Variants in ULK4 observed in about 807,000 individuals in gnomAD.
ULK4 encodes unc-51 like kinase 4, also known as inactive serine/threonine-protein kinase ULK4.
Under a neutral mutation model 160.6 loss-of-function variants are expected in ULK4, and 133 were observed. The ratio of observed to expected loss-of-function variants is 0.83; its 90% CI spans 0.72 to 0.96. The LOEUF is 0.96. Ranked by LOEUF, ULK4 falls within the 40% of genes least tolerant of loss-of-function variation. The pLI, the probability that ULK4 is intolerant of heterozygous loss-of-function variation, is 0.00. For missense variants in ULK4, 1,580 were observed against 1,499.5 expected, an observed-to-expected ratio of 1.05 and a Z score of -0.89; for synonymous variants, 534 against 539.8, an observed-to-expected ratio of 0.99 and a Z score of 0.15.
At chr3:41,286,190 T>G (rs1056652236) in intron 35 of ULK4, among the ~76,000 whole-genome samples, 1 of 152,202 alleles carries the variant, frequency 6.6e-6, no homozygotes, top group Non-Finnish European at 1.5e-5. Flanking sequence ...TTAATATTAT[T>G]ATGGTGCATT....
In ULK4 at chr3:41,794,328, A is replaced by G. The variant is rs181463307; in HGVS notation, c.2011-4485T>C. 2.9e-4 allele frequency among the ~76,000 whole-genome samples: 44 copies of G among 152,252 alleles called. No individual in the cohort carries two copies. The East Asian group carries it at 6.2e-3, about 21-fold the overall frequency. ...CATCTACCATGTGCCCAGAAAAGGA[A>G]CAACAGGACTTTTGTCTTCCTGGAA... On this transcript the variant is annotated intron_variant, in intron 20 of 36. Coordinates refer to ENST00000301831, the MANE Select transcript of ULK4 (RefSeq NM_017886.4).
chr3:41,519,061 G>T (rs1281631901), intron 32 of ULK4, among the ~76,000 whole-genome samples: 1 of 152,118 alleles, frequency 6.6e-6, no homozygotes, highest in East Asian at 1.9e-4. Context: ...TGCTGGAATC[G>T]CTCCTCTGTT....
chr3:41,247,454 CTT>C (rs1462751515), intron 36 of ULK4, among the ~76,000 whole-genome samples: 1 of 152,180 alleles, frequency 6.6e-6, no homozygotes, highest in East Asian at 1.9e-4. Flanking sequence ...AAAACGGGAA[CTT>C]TTTTACTGGA....
chr3:41,329,600 G>C (rs2080404163), intron 35 of ULK4, among the ~76,000 whole-genome samples: 1 of 142,852 alleles, frequency 7.0e-6, no homozygotes, highest in African/African-American at 2.6e-5. Context: ...TCTCACCATA[G>C]TTGTACAACC....
chr3:41,325,281 A>T (rs964761517), intron 35 of ULK4, among the ~76,000 whole-genome samples: 1 of 152,232 alleles, frequency 6.6e-6, no homozygotes, highest in African/African-American at 2.4e-5. Flanking sequence ...AAAGAAACCC[A>T]GGAGGTGGGG....
At chr3:41,608,215 T>C (rs2032482418) in intron 31 of ULK4, among the ~76,000 whole-genome samples, 1 of 152,218 alleles carries the variant, frequency 6.6e-6, no homozygotes, top group African/African-American at 2.4e-5. Flanking sequence ...TAAACTGATT[T>C]AGTACATCAG....
At chr3:41,454,256 T>C (rs1462961952) in intron 34 of ULK4, among the ~76,000 whole-genome samples, 3 of 148,024 alleles carry the variant, frequency 2.0e-5, no homozygotes, top group Non-Finnish European at 4.5e-5. Context: ...ATGATAAAAT[T>C]AGGCCAGGCG....
intron 33 of ULK4, 56 bp downstream of exon 33, chr3:41,463,031 A>T: frequency 6.4e-7 from 1 of 1,553,726 alleles, no homozygotes; most frequent in Non-Finnish European, 8.8e-7. Flanking sequence ...AGAGAATGAA[A>T]GGGAAGCATG....
At chr3:41,559,232 T>G (rs924264286) in intron 32 of ULK4, among the ~76,000 whole-genome samples, 1 of 136,908 alleles carries the variant, frequency 7.3e-6, no homozygotes, top group African/African-American at 2.5e-5. Flanking sequence ...CTGCATAGTA[T>G]TCCATGGTGT....
intron 22 of ULK4, among the ~76,000 whole-genome samples, chr3:41,735,670 C>T (rs1365782751): frequency 7.2e-6 from 1 of 138,096 alleles, no homozygotes; most frequent in Non-Finnish European, 1.6e-5. Flanking sequence ...CCTTGCTTCA[C>T]TCCACTCTAA....
intron 17 of ULK4, among the ~76,000 whole-genome samples, chr3:41,841,712 G>A (rs965427608): frequency 6.6e-5 from 10 of 152,096 alleles, no homozygotes; most frequent in Admixed American, 1.3e-4. Flanking sequence ...GGAAATGTGG[G>A]GAAAAGAAAG....
chr3:41,650,285 C>T lies in ULK4; in HGVS notation c.3071+13322G>A, dbSNP rs367759993. ...TGCCAGGACTGAAAGAGCTATAACA[C>T]AAACAGGGCTGAAACACACCCCCTG... is the stretch of plus-strand genomic sequence containing the variant. On this transcript the variant is annotated intron_variant, in intron 30 of 36. Transcript: ENST00000301831. Among the ~76,000 whole-genome samples the T allele has an allele frequency of 3.3e-5, 5 of 152,334 alleles. No homozygotes were observed. In the East Asian group the frequency reaches 5.8e-4, roughly 18 times the overall value.
intron 22 of ULK4, among the ~76,000 whole-genome samples, chr3:41,733,496 G>A (rs2037905049): frequency 6.6e-6 from 1 of 151,950 alleles, no homozygotes; most frequent in Non-Finnish European, 1.5e-5. Flanking sequence ...CAAGAATGCA[G>A]ACTTCCAAAC....
At chr3:41,667,732 A>G (rs1192159155) in intron 29 of ULK4, among the ~76,000 whole-genome samples, 1 of 152,186 alleles carries the variant, frequency 6.6e-6, no homozygotes, top group African/African-American at 2.4e-5. Flanking sequence ...TTCCTCTAGG[A>G]TCTTCTCTAA....
At chr3:41,463,937 G>T (rs1405968732) in intron 32 of ULK4, among the ~76,000 whole-genome samples, 3 of 150,038 alleles carry the variant, frequency 2.0e-5, no homozygotes, top group Non-Finnish European at 4.4e-5. Flanking sequence ...ATTACAACAT[G>T]AAATAATGTT....
intron 32 of ULK4, among the ~76,000 whole-genome samples, chr3:41,493,048 G>T (rs966783063): frequency 1.0e-4 from 11 of 107,336 alleles, no homozygotes; most frequent in African/African-American, 3.7e-4. Flanking sequence ...GGATATACAG[G>T]AATTGAACTC....
At chr3:41,867,455 TC>T (rs1696936596) in intron 17 of ULK4, among the ~76,000 whole-genome samples, 1 of 152,198 alleles carries the variant, frequency 6.6e-6, no homozygotes, top group Admixed American at 6.5e-5. Context: ...CACTGCTAAC[TC>T]CGCCTCACAG....
chr3:41,342,658 C>T (rs2080711253), intron 35 of ULK4, among the ~76,000 whole-genome samples: 1 of 152,206 alleles, frequency 6.6e-6, no homozygotes, highest in African/African-American at 2.4e-5. Flanking sequence ...ACAGACTCCT[C>T]CCTAACTCAT....
At chr3:41,573,580 A>G (rs1443134210) in intron 31 of ULK4, among the ~76,000 whole-genome samples, 2 of 152,252 alleles carry the variant, frequency 1.3e-5, no homozygotes, top group Non-Finnish European at 2.9e-5. Flanking sequence ...TTAAAAGACC[A>G]CAACTAATCA....
Sources: gnomAD v4.1 joint callset for allele counts (sites outside exome capture counted in the v4.1 genomes callset) on GRCh38, gnomAD v4.1.1 for gene constraint, MANE v1.5 for transcripts, NCBI Gene and HGNC (gene_info 2026-07-23, HGNC 2026-07-21) for gene names.